GABRA3: variants seen among roughly 807,000 people sequenced by gnomAD.
GABRA3 encodes the protein gamma-aminobutyric acid type A receptor subunit alpha3.
GABRA3 carries 10 observed loss-of-function variants against 30.1 expected under a neutral mutation model. That is an observed-to-expected ratio of 0.33 (90% CI 0.20 to 0.56). GABRA3 has a LOEUF of 0.56. GABRA3 is among the 20% of genes least tolerant of loss of function. The probability of loss-of-function intolerance (pLI) is 0.89; values close to 1 mark genes in which losing one functional copy is unlikely to be tolerated. For synonymous variants in GABRA3, 151 were observed against 146.8 expected (o/e 1.03, Z -0.21); for missense variants, 233 against 392.0 (o/e 0.59, Z 3.42).
chrX:152,418,935 T>C (rs1181990340), intron 1 of GABRA3, among the ~76,000 whole-genome samples: 6 of 111,627 alleles, frequency 5.4e-5, no homozygotes, highest in Non-Finnish European at 9.4e-5. Flanking sequence ...ATGTGGCACA[T>C]ATACACCATG....
intron 3 of GABRA3, among the ~76,000 whole-genome samples, chrX:152,325,664 G>A (rs998625539): frequency 9.8e-5 from 11 of 111,931 alleles, no homozygotes; most frequent in African/African-American, 3.6e-4. Flanking sequence ...CTAACAAACA[G>A]AAAGGACATC....
At chrX:152,450,831 A>G (rs1277249424) in intron 1 of GABRA3, among the ~76,000 whole-genome samples, 2 of 112,727 alleles carry the variant, frequency 1.8e-5, no homozygotes, top group Non-Finnish European at 3.8e-5. Flanking sequence ...GGGCCCCCCA[A>G]GCAATTTGCA....
At chrX:152,242,013 C>T (rs1262460536) in intron 5 of GABRA3, among the ~76,000 whole-genome samples, 2 of 111,821 alleles carry the variant, frequency 1.8e-5, no homozygotes, top group African/African-American at 6.5e-5. Flanking sequence ...TCCTATTCGG[C>T]CATCTTGGCT....
At chrX:152,256,042 G>C in intron 4 of GABRA3, 44 bp from the exon 5 acceptor site, 2 of 979,921 alleles carry the variant, frequency 2.0e-6, no homozygotes, top group Non-Finnish European at 2.9e-6. Context: ...TTGAGTTCTG[G>C]TAAGGGCTCA....
chrX:152,227,281 G>A (rs1206989913), intron 5 of GABRA3, among the ~76,000 whole-genome samples: 1 of 101,063 alleles, frequency 9.9e-6, no homozygotes, highest in Admixed American at 1.1e-4. Flanking sequence ...CTATCGCAAG[G>A]ACAAAAAACC....
chrX:152,216,968 T>A (rs2124374854), intron 6 of GABRA3, among the ~76,000 whole-genome samples: 1 of 110,820 alleles, frequency 9.0e-6, no homozygotes, highest in Non-Finnish European at 1.9e-5. Context: ...CGAAAATAAT[T>A]TTTAAAAAAT....
At chrX:152,184,208 T>C (rs1937223907) in intron 9 of GABRA3, among the ~76,000 whole-genome samples, 1 of 111,796 alleles carries the variant, frequency 8.9e-6, no homozygotes. Flanking sequence ...ATTCCCTAAA[T>C]TATGTCTGTC....
chrX:152,420,045 T>C (rs939228350), intron 1 of GABRA3, among the ~76,000 whole-genome samples: 5 of 111,969 alleles, frequency 4.5e-5, no homozygotes, highest in African/African-American at 1.3e-4. Flanking sequence ...TCAATAGATG[T>C]AGAAAAAAAA....
At chrX:152,274,894 A>C (rs1460937918) in intron 4 of GABRA3, among the ~76,000 whole-genome samples, 1 of 106,566 alleles carries the variant, frequency 9.4e-6, no homozygotes, top group Non-Finnish European at 1.9e-5. Flanking sequence ...TAATGATATC[A>C]AAAATTTTGA....
intron 6 of GABRA3, among the ~76,000 whole-genome samples, chrX:152,209,427 A>G (rs1172026218): frequency 9.0e-6 from 1 of 111,482 alleles, no homozygotes; most frequent in African/African-American, 3.3e-5. Context: ...AGGGAAGCTG[A>G]CCGCATACTG....
At chrX:152,260,142 C>T (rs1938704955) in intron 4 of GABRA3, among the ~76,000 whole-genome samples, 2 of 110,143 alleles carry the variant, frequency 1.8e-5, no homozygotes. Flanking sequence ...TGAGGTGAGG[C>T]TCCTCTGCCT....
intron 7 of GABRA3, among the ~76,000 whole-genome samples, chrX:152,205,234 A>G (rs924819776): frequency 3.6e-5 from 4 of 111,730 alleles, no homozygotes; most frequent in African/African-American, 1.3e-4. Context: ...GGCAAGAGTG[A>G]GGGGAAATTG....
chrX:152,208,092 T>C lies in GABRA3; in HGVS notation c.687A>G (p.Lys229=). ...AACCATCCTGTGCCACTTCCACGGA[T>C]TTGTTCTTTCCGAGAGTCCAAGAAT... ...VVYSWTLGKN[K]SVEVAQDGSR... The change falls in exon 7 of 10, where the codon AAA becomes AAG. Residue 229 remains lysine, a synonymous_variant. Coordinates refer to ENST00000370314, the MANE Select transcript of GABRA3 (RefSeq NM_000808.4). 1 of 1,211,411 alleles carries C rather than the reference T, an allele frequency of 8.3e-7. No homozygotes were observed. The highest frequency in any genetic ancestry group is 1.1e-6 in the Non-Finnish European group (1 of 895,019).
intron 8 of GABRA3, among the ~76,000 whole-genome samples, 191 bp downstream of exon 8, chrX:152,197,442 C>T (rs919295785): frequency 1.8e-5 from 2 of 111,463 alleles, no homozygotes; most frequent in Admixed American, 9.5e-5. Context: ...ACTGGTCCAA[C>T]AGTCTTCTTA....
At chrX:152,294,068 T>G (rs1027449378) in intron 3 of GABRA3, among the ~76,000 whole-genome samples, 3 of 111,614 alleles carry the variant, frequency 2.7e-5, no homozygotes, top group Non-Finnish European at 5.6e-5. Context: ...CATTTTTCCT[T>G]CATTTCAACC....
At position 152,361,105 on chromosome X, in the gene GABRA3, A is replaced by G. The variant is rs185463117; in HGVS notation, c.140+3326T>C. On this transcript the variant is annotated intron_variant, in intron 2 of 9. Coordinates refer to ENST00000370314, the MANE Select transcript of GABRA3 (RefSeq NM_000808.4). ...GACCACGTCTTTAAAAAAAAAAAAA[A>G]AAAGAAAGAAAGAAAGAAAGAAAAC... Among the ~76,000 whole-genome samples the G allele has an allele frequency of 3.8e-4, 41 of 107,705 alleles. No homozygotes were observed. The South Asian group carries it at 4.4e-3, about 12-fold the overall frequency. The allele number at this position is 107,705 out of a possible 115,157, so 93.5% of individuals were successfully genotyped here. A position where few individuals can be genotyped will look rare whatever the true frequency, so the allele number is the denominator to read the frequency against.
intron 5 of GABRA3, among the ~76,000 whole-genome samples, chrX:152,226,722 G>A (rs777880275): frequency 9.0e-6 from 1 of 111,610 alleles, no homozygotes; most frequent in African/African-American, 3.3e-5. Context: ...AGTGGGCGAA[G>A]GATATGAACA....
intron 2 of GABRA3, among the ~76,000 whole-genome samples, chrX:152,362,436 C>T (rs1026589243): frequency 3.6e-5 from 4 of 111,182 alleles, no homozygotes; most frequent in African/African-American, 1.3e-4. Flanking sequence ...AGAAATAAGG[C>T]TAGCAAGGTG....
rs764135928 is a variant in GABRA3 at position 152,208,003 on chromosome X, G to A, written c.776C>T (p.Thr259Ile). 8 of 1,209,697 alleles carry A rather than the reference G, an allele frequency of 6.6e-6. No homozygotes were observed. The highest frequency in any genetic ancestry group is 7.8e-6 in the Non-Finnish European group (7 of 894,100). ...VVGTEIIRSS[T>I]GEYVVMTTHF... is the part of the protein sequence containing the mutation. Reference sequence around the variant, plus strand: ...GTTAAATAAAATAAGTTAAATACCTGTACTAGACCGGATTATCTCTGTCCC... The same window carrying A: ...GTTAAATAAAATAAGTTAAATACCTATACTAGACCGGATTATCTCTGTCCC... The change falls in exon 7 of 10, where the codon ACA becomes ATA. Residue 259 changes from threonine (T) to isoleucine (I), a missense_variant and splice_region_variant. This residue lies in a region of GABRA3 where 18 missense variants were observed against 16.4 expected (regional missense o/e 1.09). Coordinates refer to ENST00000370314, the MANE Select transcript of GABRA3 (RefSeq NM_000808.4).
Sources: allele counts gnomAD v4.1 joint callset (sites outside exome capture counted in the v4.1 genomes callset), GRCh38; gene constraint gnomAD v4.1.1; regional missense constraint gnomAD v4.1.1; transcripts MANE v1.5; gene names NCBI Gene and HGNC (gene_info 2026-07-23, HGNC 2026-07-21).